Variants in STXBP5L observed in about 807,000 individuals in gnomAD.
STXBP5L encodes the protein syntaxin-binding protein 5-like.
In STXBP5L, 65 loss-of-function variants were observed where a neutral mutation model predicts 144.5. That is an observed-to-expected ratio of 0.45 (90% confidence interval 0.37 to 0.55). STXBP5L has a LOEUF of 0.55. Among genes scored for constraint, STXBP5L ranks in the 20% least tolerant of loss-of-function variants. The pLI is 0.00. For synonymous variants in STXBP5L, 505 were observed against 469.6 expected (o/e 1.08, Z -0.97); for missense variants, 1,298 against 1,405.5 (o/e 0.92, Z 1.22).
intron 5 of STXBP5L, among the ~76,000 whole-genome samples, chr3:121,102,830 A>G (rs1157456489): frequency 2.0e-5 from 3 of 152,156 alleles, no homozygotes; most frequent in East Asian, 1.9e-4. Context: ...TCCAGGATCT[A>G]TAAGGTACTT....
chr3:121,044,983 T>G (rs1947411046), intron 4 of STXBP5L, among the ~76,000 whole-genome samples: 1 of 152,148 alleles, frequency 6.6e-6, no homozygotes, highest in African/African-American at 2.4e-5. Flanking sequence ...GAATATACGC[T>G]TTCCAAATAT....
chr3:121,237,429 C>G (rs368238620), intron 12 of STXBP5L, among the ~76,000 whole-genome samples: 37 of 152,206 alleles, frequency 2.4e-4, no homozygotes, highest in African/African-American at 8.9e-4. Context: ...CCCCCAAAAC[C>G]ATTCTGTTCT....
At chr3:121,372,246 G>A (rs972291128) in intron 20 of STXBP5L, among the ~76,000 whole-genome samples, 5 of 152,158 alleles carry the variant, frequency 3.3e-5, no homozygotes, top group African/African-American at 1.2e-4. Flanking sequence ...CCAGAAGACT[G>A]AGGGGTGCTT....
intron 2 of STXBP5L, among the ~76,000 whole-genome samples, chr3:120,948,166 T>G (rs1710976498): frequency 6.6e-6 from 1 of 151,672 alleles, no homozygotes. Context: ...AGTTGTATCT[T>G]GTTGATATGA....
chr3:120,979,702 G>T (rs535350614), intron 3 of STXBP5L, among the ~76,000 whole-genome samples: 1 of 152,102 alleles, frequency 6.6e-6, no homozygotes, highest in African/African-American at 2.4e-5. Flanking sequence ...TGCCAGCTCC[G>T]ATCCTTTGTA....
intron 3 of STXBP5L, among the ~76,000 whole-genome samples, chr3:120,958,586 A>G (rs1157763389): frequency 6.6e-6 from 1 of 152,246 alleles, no homozygotes; most frequent in Admixed American, 6.5e-5. Context: ...CCTGGGATGC[A>G]AGTCTGGTTC....
chr3:121,041,057 ATTCT>A (rs1055838584), intron 3 of STXBP5L, among the ~76,000 whole-genome samples: 1 of 146,780 alleles, frequency 6.8e-6, no homozygotes, highest in African/African-American at 2.5e-5. Flanking sequence ...GTGTTTTCTC[ATTCT>A]TTTTTTTTTA....
intron 2 of STXBP5L, among the ~76,000 whole-genome samples, chr3:120,949,671 G>A (rs1183283123): frequency 6.6e-6 from 1 of 151,962 alleles, no homozygotes; most frequent in East Asian, 1.9e-4. Flanking sequence ...GTTAAATAGG[G>A]TGTCCTTTCC....
chr3:120,977,200 A>C (rs1349790591), intron 3 of STXBP5L, among the ~76,000 whole-genome samples: 2 of 152,258 alleles, frequency 1.3e-5, no homozygotes, highest in East Asian at 3.9e-4. Context: ...GTAGGTCAGT[A>C]AGGACTTGCT....
intron 8 of STXBP5L, among the ~76,000 whole-genome samples, chr3:121,153,145 G>A (rs1221773086): frequency 6.6e-6 from 1 of 151,950 alleles, no homozygotes; most frequent in African/African-American, 2.4e-5. Context: ...ATGTAATTGA[G>A]ACTTGATTAA....
At chr3:121,015,768 A>G (rs1945102287) in intron 3 of STXBP5L, among the ~76,000 whole-genome samples, 1 of 152,154 alleles carries the variant, frequency 6.6e-6, no homozygotes, top group Admixed American at 6.6e-5. Flanking sequence ...AGCCTTATCC[A>G]AGGTAGGGGA....
chr3:121,178,532 G>C (rs887659415), intron 9 of STXBP5L, among the ~76,000 whole-genome samples: 1 of 152,052 alleles, frequency 6.6e-6, no homozygotes, highest in Non-Finnish European at 1.5e-5. Context: ...AAAAATAAAT[G>C]ATCTTCTACT....
intron 3 of STXBP5L, among the ~76,000 whole-genome samples, chr3:121,016,225 T>G (rs1178057586): frequency 6.6e-6 from 1 of 151,936 alleles, no homozygotes; most frequent in East Asian, 1.9e-4. Flanking sequence ...CCAGAAAAAA[T>G]ACAATCATCT....
chr3:121,233,677 G>A lies in STXBP5L; in HGVS notation c.1173G>A (p.Leu391=). 6.2e-7 allele frequency: 1 copy of A among 1,611,534 alleles called. No individual in the cohort carries two copies. The highest frequency in any genetic ancestry group is 8.5e-7 in the Non-Finnish European group (1 of 1,178,438). Residue 391 remains leucine (L), a synonymous_variant, in exon 12 of 27, where the codon CTG becomes CTA. Transcript: ENST00000471454. ...AGAAAGATCTCATTGTAGTTGATCTGACACAAAGCAAGTAAGTTATCCATG... is the reference window on the plus strand; with the variant it reads ...AGAAAGATCTCATTGTAGTTGATCTAACACAAAGCAAGTAAGTTATCCATG... ...LLEKDLIVVD[L]TQSNFPIFEN... is the part of the protein sequence containing the mutation.
chr3:121,060,648 G>T (rs1163028383), intron 5 of STXBP5L, among the ~76,000 whole-genome samples: 4 of 152,198 alleles, frequency 2.6e-5, no homozygotes, highest in African/African-American at 9.7e-5. Context: ...CTCAATTTCA[G>T]AATTTGTTAT....
chr3:121,247,671 T>C (rs944288736), intron 14 of STXBP5L, among the ~76,000 whole-genome samples: 4 of 152,230 alleles, frequency 2.6e-5, no homozygotes, highest in Non-Finnish European at 4.4e-5. Context: ...TTTATGGCTG[T>C]GTAATATTCC....
chr3:121,258,433 CCT>C (rs1250116470), intron 17 of STXBP5L, among the ~76,000 whole-genome samples: 4 of 152,074 alleles, frequency 2.6e-5, no homozygotes, highest in Non-Finnish European at 5.9e-5. Context: ...CATTGATTGT[CCT>C]CTCAAAATTT....
chr3:121,181,121 AAAG>A (rs1559832009), intron 9 of STXBP5L, among the ~76,000 whole-genome samples: 3 of 146,050 alleles, frequency 2.1e-5, no homozygotes, highest in Non-Finnish European at 4.5e-5. Flanking sequence ...GAAGAAAACA[AAAG>A]AAGAGAAAAG....
At chr3:121,203,516 G>T (rs1220824554) in intron 9 of STXBP5L, among the ~76,000 whole-genome samples, 2 of 152,002 alleles carry the variant, frequency 1.3e-5, no homozygotes, top group Non-Finnish European at 2.9e-5. Flanking sequence ...TGAATGTTAG[G>T]AATAGTAAGA....
Sources: gnomAD v4.1 joint callset for allele counts (sites outside exome capture counted in the v4.1 genomes callset) on GRCh38, gnomAD v4.1.1 for gene constraint, MANE v1.5 for transcripts, NCBI Gene and HGNC (gene_info 2026-07-23, HGNC 2026-07-21) for gene names.